The following ASCC3 variants were observed in gnomAD, a reference collection of about 807,000 sequenced individuals.
The protein encoded by ASCC3 is activating signal cointegrator 1 complex subunit 3, also known as ASC-1 complex subunit P200.
A neutral mutation model predicts 256.3 loss-of-function variants in ASCC3; 158 were observed. The observed-to-expected ratio is 0.62, with a 90% CI of 0.54 to 0.70. ASCC3 has a LOEUF of 0.70. Ranked by LOEUF, ASCC3 falls within the 30% of genes least tolerant of loss-of-function variation. The probability of loss-of-function intolerance (pLI) is 0.00; values close to 1 mark genes in which losing one functional copy is unlikely to be tolerated. For missense variants in ASCC3, 2,259 were observed against 2,626.0 expected (o/e 0.86, Z 3.05); for synonymous variants, 948 against 883.4 (o/e 1.07, Z -1.30).
chr6:100,835,838 G>T (rs1771849413), intron 4 of ASCC3, among the ~76,000 whole-genome samples: 1 of 152,006 alleles, frequency 6.6e-6, no homozygotes, highest in Non-Finnish European at 1.5e-5. Context: ...ATCACTTTAG[G>T]AGTATACACA....
At chr6:100,636,787 A>G (rs752640188) in intron 25 of ASCC3, among the ~76,000 whole-genome samples, 11 of 152,214 alleles carry the variant, frequency 7.2e-5, no homozygotes, top group Non-Finnish European at 1.2e-4. Context: ...CAGAAGATCA[A>G]ATCAACCACG....
intron 13 of ASCC3, among the ~76,000 whole-genome samples, chr6:100,700,194 C>T (rs1778285796): frequency 6.6e-6 from 1 of 152,100 alleles, no homozygotes; most frequent in Non-Finnish European, 1.5e-5. Flanking sequence ...CCAGGGTCCC[C>T]ATGCTGCGTG....
chr6:100,798,686 A>G lies in ASCC3; in HGVS notation c.1395+27T>C, dbSNP rs780585915. ...ATACCGCATACCAAGCCTCAAAACT[A>G]TCAACTCTATAAAAGGCTCATCTCA... On this transcript the variant is annotated intron_variant, in intron 8 of 41. Coordinates refer to ENST00000369162, the MANE Select transcript of ASCC3 (RefSeq NM_006828.4). The G allele has an allele frequency of 6.2e-6, 10 of 1,610,556 alleles. No homozygotes were observed. The East Asian group carries it at 1.6e-4, about 25-fold the overall frequency.
At chr6:100,859,119 C>T (rs1773099556) in intron 3 of ASCC3, 2 of 779,856 alleles carry the variant, frequency 2.6e-6, no homozygotes, top group Non-Finnish European at 4.8e-6. Context: ...CATCTTAGTC[C>T]TCTGAATCTG....
chr6:100,512,426 A>G (rs924097020), intron 40 of ASCC3, among the ~76,000 whole-genome samples: 1 of 152,192 alleles, frequency 6.6e-6, no homozygotes, highest in Admixed American at 6.5e-5. Flanking sequence ...TCTGCACTTT[A>G]AAAGGCACTC....
chr6:100,691,395 C>T (rs1376376934), intron 13 of ASCC3, among the ~76,000 whole-genome samples: 1 of 151,878 alleles, frequency 6.6e-6, no homozygotes, highest in East Asian at 1.9e-4. Flanking sequence ...TTTTCTTAAG[C>T]ATATGTATTT....
chr6:100,703,570 C>T (rs1381499233), intron 13 of ASCC3, among the ~76,000 whole-genome samples: 4 of 151,810 alleles, frequency 2.6e-5, no homozygotes, highest in Non-Finnish European at 5.9e-5. Flanking sequence ...ATTACAATGT[C>T]CAATTTTTAA....
At chr6:100,694,732 G>C (rs777683908) in intron 13 of ASCC3, among the ~76,000 whole-genome samples, 2 of 152,118 alleles carry the variant, frequency 1.3e-5, no homozygotes, top group Non-Finnish European at 2.9e-5. Flanking sequence ...GTGATAGATT[G>C]TAACACTTTC....
chr6:100,864,333 T>A, intron 2 of ASCC3, 119 bp from the exon 3 acceptor site: 2 of 890,178 alleles, frequency 2.2e-6, no homozygotes, highest in Non-Finnish European at 3.4e-6. Flanking sequence ...GAATTCAAAG[T>A]TGTATCTATT....
intron 36 of ASCC3, among the ~76,000 whole-genome samples, chr6:100,561,522 G>A (rs1723505633): frequency 6.6e-6 from 1 of 151,980 alleles, no homozygotes; most frequent in Non-Finnish European, 1.5e-5. Context: ...TTTGGTGCGG[G>A]TCTCAAATGA....
In ASCC3 at chr6:100,622,266, C is replaced by T. The variant is rs187731930; in HGVS notation, c.4785+2926G>A. ...TAATCCCCATAATCCCCACATGTTA[C>T]GGGAGAGACCAGGTGGAGGTAATTG... On this transcript the variant is annotated intron_variant, in intron 30 of 41. Transcript: ENST00000369162. 6.6e-5 allele frequency among the ~76,000 whole-genome samples: 10 copies of T among 152,198 alleles called. 1 individual carries two copies. The South Asian group carries it at 8.3e-4, about 13-fold the overall frequency.
chr6:100,858,760 T>C (rs892102211), intron 3 of ASCC3: 2 of 925,802 alleles, frequency 2.2e-6, no homozygotes, highest in African/African-American at 3.5e-5. Context: ...ATTTAGGATA[T>C]CCTCTTACAT....
chr6:100,533,210 C>CAA (rs1432762669), intron 37 of ASCC3, among the ~76,000 whole-genome samples: 1 of 151,702 alleles, frequency 6.6e-6, no homozygotes, highest in African/African-American at 2.4e-5. Flanking sequence ...TTTTTAAATG[C>CAA]AAAACCTTTT....
rs879499849 is a variant in ASCC3 at position 100,652,957 on chromosome 6, A to C, written c.2824-68T>G. 779 of 1,437,632 alleles carry C rather than the reference A, an allele frequency of 5.4e-4. 2 individuals carry two copies. The highest frequency in any genetic ancestry group is 7.1e-4 in the Non-Finnish European group (729 of 1,030,848). The allele number at this position is 1,437,632 out of a possible 1,614,324, so 89.1% of individuals were successfully genotyped here. On this transcript the variant is annotated intron_variant, in intron 17 of 41. Coordinates refer to ENST00000369162, the MANE Select transcript of ASCC3 (RefSeq NM_006828.4). ...AGTAACCATTTGCAAACATATATTT[A>C]TTTATGGAAATTAAAACTTTTCTTA...
chr6:100,840,940 A>G (rs1454387272), intron 4 of ASCC3, among the ~76,000 whole-genome samples: 1 of 151,976 alleles, frequency 6.6e-6, no homozygotes. Context: ...ACTATACTGA[A>G]AAAAAAAGAG....
Position 100,531,102 on chromosome 6 carries a change from A to C in ASCC3, c.5775+9061T>G, listed in dbSNP as rs533208595. On this transcript the variant is annotated intron_variant, in intron 37 of 41. Transcript: ENST00000369162. ...ACATAGTCTGTACAATAAATACAAC[A>C]GAAAATTGCACAATTTCTGCTGGCT... is the stretch of plus-strand genomic sequence containing the variant. 6 of 1,150,964 alleles carry C rather than the reference A, an allele frequency of 5.2e-6. No individual in the cohort carries two copies. The South Asian group carries it at 7.6e-5, about 15-fold the overall frequency. 71.3% of individuals were successfully genotyped at this position (1,150,964 alleles called of 1,614,324 possible). A position where few individuals can be genotyped will look rare whatever the true frequency, so the allele number is the denominator to read the frequency against.
chr6:100,821,633 G>C (rs1771049359), intron 4 of ASCC3, among the ~76,000 whole-genome samples: 1 of 152,060 alleles, frequency 6.6e-6, no homozygotes, highest in Admixed American at 6.5e-5. Context: ...AGGCCAGCCT[G>C]GCTGACATGG....
intron 14 of ASCC3, among the ~76,000 whole-genome samples, chr6:100,667,944 T>C (rs937096328): frequency 6.6e-6 from 1 of 151,532 alleles, no homozygotes. Flanking sequence ...GATTGTGAAA[T>C]TGAGAAAAAA....
chr6:100,564,549 A>T (rs1421423003), intron 36 of ASCC3, among the ~76,000 whole-genome samples: 1 of 152,174 alleles, frequency 6.6e-6, no homozygotes, highest in African/African-American at 2.4e-5. Context: ...GAATTGCAGC[A>T]TATTCCAGAT....
Sources: allele counts gnomAD v4.1 joint callset (sites outside exome capture counted in the v4.1 genomes callset), GRCh38; gene constraint gnomAD v4.1.1; transcripts MANE v1.5; gene names NCBI Gene and HGNC (gene_info 2026-07-23, HGNC 2026-07-21).